CDX4: variants seen among roughly 807,000 people sequenced by gnomAD.
The protein encoded by CDX4 is caudal type homeobox 4, also known as homeobox protein CDX-4.
A neutral mutation model predicts 14.1 loss-of-function variants in CDX4; 11 were observed. The ratio of observed to expected loss-of-function variants is 0.78; its 90% CI spans 0.49 to 1.29. The LOEUF (loss-of-function observed/expected upper bound fraction) is 1.29. CDX4 is among the 50% of genes most tolerant of loss of function. CDX4 has a pLI of 0.00. For missense variants in CDX4, 257 were observed against 237.4 expected (o/e 1.08, Z -0.54); for synonymous variants, 100 against 93.5 (o/e 1.07, Z -0.40).
chrX:73,452,560 G>C (rs1006869162), intron 1 of CDX4, among the ~76,000 whole-genome samples: 3 of 111,313 alleles, frequency 2.7e-5, no homozygotes, highest in African/African-American at 9.8e-5. Context: ...GCAAATGTTT[G>C]TATATCCTTT....
chrX:73,449,668 T>C (rs1031928153), intron 1 of CDX4, among the ~76,000 whole-genome samples: 1 of 112,173 alleles, frequency 8.9e-6, no homozygotes, highest in Non-Finnish European at 1.9e-5. Context: ...CATTTTAATG[T>C]CTTATAAATG....
chrX:73,453,238 A>G (rs1356746254), intron 1 of CDX4, among the ~76,000 whole-genome samples: 2 of 111,403 alleles, frequency 1.8e-5, no homozygotes, highest in African/African-American at 6.5e-5. Flanking sequence ...TAGGAGAAAC[A>G]TTAATTAAAG....
chrX:73,454,243 G>A (rs1368527596), intron 2 of CDX4, 136 bp from the exon 3 acceptor site: 3 of 470,686 alleles, frequency 6.4e-6, no homozygotes, highest in Non-Finnish European at 1.1e-5. Flanking sequence ...TGTTAAGTGG[G>A]CATACTTCAC....
Position 73,447,496 on chromosome X carries a change from A to C in CDX4, c.243A>C (p.Glu81Asp), listed in dbSNP as rs1020140442. Residue 81 changes from glutamate (E) to aspartate (D), a missense_variant, in exon 1 of 3, where the codon GAA (glutamate) becomes GAC (aspartate). By Grantham distance (45) the Glu-to-Asp change is conservative. Coordinates refer to ENST00000373514, the MANE Select transcript of CDX4 (RefSeq NM_005193.2). The part of the protein sequence containing the change: ...VWGSPYSPPR[E>D]DWSVYPGPSS... ...GCTCACCCTACAGTCCCCCGCGAGA[A>C]GACTGGAGCGTGTATCCTGGGCCGT... 7.4e-6 allele frequency: 9 copies of C among 1,211,879 alleles called. No individual in the cohort carries two copies. Among genetic ancestry groups the C allele is most frequent in the Admixed American group, 2.2e-5 (1 of 46,112 alleles).
chrX:73,448,852 G>A (rs1377816152), intron 1 of CDX4, among the ~76,000 whole-genome samples: 1 of 111,892 alleles, frequency 8.9e-6, no homozygotes, highest in African/African-American at 3.2e-5. Context: ...CATTTCAATA[G>A]CATTTGTCCG....
chrX:73,453,435 G>A (rs1437658653), intron 1 of CDX4, 82 bp from the exon 2 acceptor site: 2 of 773,038 alleles, frequency 2.6e-6, no homozygotes, highest in African/African-American at 2.2e-5. Flanking sequence ...ATGAGGGTGG[G>A]AAGAGTGTCT....
chrX:73,447,367 G>T lies in CDX4; in HGVS notation c.114G>T (p.Pro38=), dbSNP rs761170974. ...GTGGTGGGGS[P]MPASNFAAAP... is the part of the protein sequence containing the mutation. ...GCGGCACAGGGGGCGGTGGGAGTCC[G>T]ATGCCAGCCTCCAATTTCGCTGCGG... Residue 38 remains proline, a synonymous_variant, in exon 1 of 3, where the codon CCG becomes CCT. Coordinates refer to ENST00000373514, the MANE Select transcript of CDX4 (RefSeq NM_005193.2). 4.1e-6 allele frequency: 5 copies of T among 1,210,836 alleles called. No homozygotes were observed. The East Asian group carries it at 1.5e-4, about 36-fold the overall frequency.
chrX:73,447,326 G>T lies in CDX4; in HGVS notation c.73G>T (p.Gly25Cys). The change falls in exon 1 of 3, where the codon GGC (glycine) becomes TGC (cysteine). Residue 25 changes from glycine to cysteine, a missense_variant. Coordinates refer to ENST00000373514, the MANE Select transcript of CDX4 (RefSeq NM_005193.2). ...PGTLMSPGGDGTAGTGGTGGG... is the reference protein window; with the variant it reads ...PGTLMSPGGDCTAGTGGTGGG... ...CACTCTCATGAGCCCTGGGGGCGAC[G>T]GCACAGCTGGGACAGGCGGCACAGG... The T allele has an allele frequency of 1.7e-6, 2 of 1,211,196 alleles. No homozygotes were observed. Among genetic ancestry groups the T allele is most frequent in the Middle Eastern group, 2.3e-4 (1 of 4,352 alleles).
chrX:73,453,491 A>G, intron 1 of CDX4, 26 bp from the exon 2 acceptor site: 1 of 1,173,867 alleles, frequency 8.5e-7, no homozygotes. Flanking sequence ...GAAAAAGATT[A>G]AATGCAATGC....
At chrX:73,449,769 G>GA (rs775748784) in intron 1 of CDX4, among the ~76,000 whole-genome samples, 2 of 111,447 alleles carry the variant, frequency 1.8e-5, no homozygotes, top group African/African-American at 6.5e-5. Flanking sequence ...TATCTCCCTA[G>GA]AAAAAATGCA....
Position 73,454,447 on chromosome X carries a change from T to A in CDX4, c.717T>A (p.Phe239Leu), listed in dbSNP as rs753231858. The A allele has an allele frequency of 1.9e-5, 23 of 1,206,892 alleles. No individual in the cohort carries two copies. The highest frequency in any genetic ancestry group is 4.6e-4 in the Middle Eastern group (2 of 4,346). ...TGATCAAAAAGAAAATCTCCCAGTT[T>A]GAGAATAGTGGAGGCTCGGTGCAAA... ...RKMIKKKISQFENSGGSVQSD... is the reference protein window; with the variant it reads ...RKMIKKKISQLENSGGSVQSD... Residue 239 changes from phenylalanine (F) to leucine (L), a missense_variant, in exon 3 of 3, where the codon TTT (phenylalanine) becomes TTA (leucine). Phe to Leu is a conservative substitution (Grantham distance 22). Transcript: ENST00000373514.
intron 1 of CDX4, among the ~76,000 whole-genome samples, chrX:73,448,489 G>T (rs1054254646): frequency 8.9e-6 from 1 of 112,178 alleles, no homozygotes; most frequent in African/African-American, 3.2e-5. Context: ...CCTCACACCC[G>T]CCCGACACGC....
intron 1 of CDX4, among the ~76,000 whole-genome samples, chrX:73,452,676 AT>A (rs980379057): frequency 3.7e-5 from 4 of 109,549 alleles, no homozygotes; most frequent in Middle Eastern, 4.7e-3. Context: ...CATAAAAACT[AT>A]TTTTTTTTCT....
In CDX4 at chrX:73,455,155, A is replaced by G. The variant is rs1378694589; in HGVS notation, c.*570A>G. ...TTAACAAGAATAACCAATAAAAAAG[A>G]CAATTTTGGCCCTCAATCATACTTG... On this transcript the variant is annotated 3_prime_UTR_variant, in exon 3 of 3. Transcript: ENST00000373514. 1 of 112,337 alleles carries G rather than the reference A, an allele frequency of 8.9e-6. No homozygotes were observed. Among genetic ancestry groups the G allele is most frequent in the Non-Finnish European group, 1.9e-5 (1 of 53,270 alleles). 9.3% of individuals were successfully genotyped at this position (112,337 alleles called of 1,213,427 possible).
Position 73,450,665 on chromosome X carries a change from T to G in CDX4, c.503-2852T>G, listed in dbSNP as rs1053316459. ...GAGAGTTATCATTGTCCCTTGGTTTTGCTCATTTCATGGGACAACTTTTTA... is the reference window on the plus strand; with the variant it reads ...GAGAGTTATCATTGTCCCTTGGTTTGGCTCATTTCATGGGACAACTTTTTA... On this transcript the variant is annotated intron_variant, in intron 1 of 2. Coordinates refer to ENST00000373514, the MANE Select transcript of CDX4 (RefSeq NM_005193.2). Among the ~76,000 whole-genome samples the G allele has an allele frequency of 2.7e-5, 3 of 112,185 alleles. No individual in the cohort carries two copies. The Admixed American group carries it at 2.8e-4, about 11-fold the overall frequency.
chrX:73,452,577 G>A (rs1346287758), intron 1 of CDX4, among the ~76,000 whole-genome samples: 1 of 111,235 alleles, frequency 9.0e-6, no homozygotes, highest in Non-Finnish European at 1.9e-5. Context: ...CTTTCAAAGG[G>A]CATGGAATAC....
chrX:73,454,885 T>G lies in CDX4; in HGVS notation c.*300T>G, dbSNP rs2057102100. 1 of 233,516 alleles carries G rather than the reference T, an allele frequency of 4.3e-6. No individual in the cohort carries two copies. Among genetic ancestry groups the G allele is most frequent in the African/African-American group, 2.8e-5 (1 of 35,366 alleles). The allele number at this position is 233,516 out of a possible 1,213,427, so 19.2% of individuals were successfully genotyped here. A position where few individuals can be genotyped will look rare whatever the true frequency, so the allele number is the denominator to read the frequency against. ...TCTGTTCACAATTTCAGAAACTTGC[T>G]TATGAATAGACTGTAAAATACAATT... On this transcript the variant is annotated 3_prime_UTR_variant, in exon 3 of 3. Transcript: ENST00000373514.
At chrX:73,453,695 T>G in intron 2 of CDX4, 33 bp downstream of exon 2, 1 of 1,140,935 alleles carries the variant, frequency 8.8e-7, no homozygotes, top group Non-Finnish European at 1.2e-6. Context: ...ATGTCCCGTA[T>G]AGTCCATTTC....
intron 1 of CDX4, 41 bp from the exon 2 acceptor site, chrX:73,453,476 A>T: frequency 8.8e-7 from 1 of 1,140,887 alleles, no homozygotes; most frequent in Non-Finnish European, 1.2e-6. Flanking sequence ...AATCTCCAAG[A>T]AGCAGAAAAA....
Sources: gnomAD v4.1 joint callset for allele counts (sites outside exome capture counted in the v4.1 genomes callset) on GRCh38, gnomAD v4.1.1 for gene constraint, MANE v1.5 for transcripts, NCBI Gene and HGNC (gene_info 2026-07-23, HGNC 2026-07-21) for gene names.